USH2A: variants seen among roughly 807,000 people sequenced by gnomAD.
The protein encoded by USH2A is Usher syndrome 2A (autosomal recessive, mild).
In USH2A, 443 loss-of-function variants were observed where a neutral mutation model predicts 538.9. That is an observed-to-expected ratio of 0.82 (90% CI 0.76 to 0.89). The LOEUF (loss-of-function observed/expected upper bound fraction) is 0.89. Among genes scored for constraint, USH2A ranks in the 40% least tolerant of loss-of-function variants. The probability of loss-of-function intolerance (pLI) is 0.00; values close to 1 mark genes in which losing one functional copy is unlikely to be tolerated. For missense variants in USH2A, 6,633 were observed against 6,324.8 expected, an observed-to-expected ratio of 1.05 and a Z score of -1.65; for synonymous variants, 2,413 against 2,273.5, an observed-to-expected ratio of 1.06 and a Z score of -1.75.
intron 50 of USH2A, among the ~76,000 whole-genome samples, chr1:215,792,012 T>C (rs1010588646): frequency 2.0e-5 from 3 of 152,194 alleles, no homozygotes; most frequent in Admixed American, 1.3e-4. Context: ...TTACTGTTAA[T>C]TTTTTCTCTG....
chr1:215,756,463 A>G (rs1660795762), intron 58 of USH2A, among the ~76,000 whole-genome samples: 1 of 152,166 alleles, frequency 6.6e-6, no homozygotes, highest in Admixed American at 6.5e-5. Context: ...ATCACCCTGA[A>G]ATTTCCCGTA....
chr1:215,791,891 T>G (rs1274934538), intron 50 of USH2A, among the ~76,000 whole-genome samples: 2 of 152,084 alleles, frequency 1.3e-5, no homozygotes, highest in African/African-American at 4.8e-5. Context: ...CATACATGAG[T>G]GTACACACAC....
At chr1:215,704,792 A>G (rs2102692917) in intron 61 of USH2A, among the ~76,000 whole-genome samples, 1 of 152,240 alleles carries the variant, frequency 6.6e-6, no homozygotes, top group South Asian at 2.1e-4. Context: ...ATTTAATGTC[A>G]TCTCCATTTG....
intron 35 of USH2A, among the ~76,000 whole-genome samples, chr1:215,987,440 T>A (rs1026761393): frequency 6.6e-6 from 1 of 152,222 alleles, no homozygotes; most frequent in African/African-American, 2.4e-5. Context: ...TTTAAAATCA[T>A]GTCTGAAATC....
chr1:216,298,034 C>T (rs1449976443), intron 9 of USH2A, among the ~76,000 whole-genome samples: 1 of 152,166 alleles, frequency 6.6e-6, no homozygotes, highest in Non-Finnish European at 1.5e-5. Context: ...CCTATTCCAT[C>T]GTAAAACTTT....
chr1:216,324,047 G>A, intron 7 of USH2A, 121 bp downstream of exon 7: 1 of 1,101,078 alleles, frequency 9.1e-7, no homozygotes, highest in Non-Finnish European at 1.3e-6. Flanking sequence ...AGACTTAGGA[G>A]AATCTGCCTC....
At chr1:215,793,947 G>A (rs1177710568) in intron 50 of USH2A, among the ~76,000 whole-genome samples, 7 of 152,200 alleles carry the variant, frequency 4.6e-5, no homozygotes, top group Middle Eastern at 3.4e-3. Context: ...ATATAATCAA[G>A]TCCAATCCAA....
intron 37 of USH2A, among the ~76,000 whole-genome samples, chr1:215,953,634 A>G (rs1269233513): frequency 6.6e-6 from 1 of 152,042 alleles, no homozygotes; most frequent in Non-Finnish European, 1.5e-5. Flanking sequence ...AGGCAATACC[A>G]TTCAGGACAT....
At chr1:215,647,370 C>T in intron 67 of USH2A, 152 bp downstream of exon 67, 1 of 970,888 alleles carries the variant, frequency 1.0e-6, no homozygotes, top group Non-Finnish European at 1.6e-6. Context: ...CATTTTTCCT[C>T]AGTAGTCATC....
chr1:216,170,095 C>T (rs2034248086), intron 21 of USH2A, among the ~76,000 whole-genome samples: 1 of 151,930 alleles, frequency 6.6e-6, no homozygotes, highest in African/African-American at 2.4e-5. Flanking sequence ...CTACTTGCAC[C>T]TTCACTATAA....
At chr1:216,323,284 A>ATATTTATTTATAAAATACGTTT (rs2037653973) in intron 8 of USH2A, among the ~76,000 whole-genome samples, 190 bp downstream of exon 8, 3 of 137,174 alleles carry the variant, frequency 2.2e-5, no homozygotes, top group African/African-American at 9.5e-5. Flanking sequence ...TTTTATATAT[A>ATATTTATTTATAAAATACGTTT]TATATATATA....
At position 216,217,374 on chromosome 1, in the gene USH2A, A is replaced by G. The variant is rs779285586; in HGVS notation, c.3157+13T>C. On this transcript the variant is annotated intron_variant, in intron 15 of 71. Coordinates refer to ENST00000307340, the MANE Select transcript of USH2A (RefSeq NM_206933.4). ...CTGCTTCACACACCAGCACTGAACC[A>G]GAGTTCACTTACTTTTGCTGCAACC... 1.2e-6 allele frequency: 2 copies of G among 1,612,644 alleles called. No homozygotes were observed. Among genetic ancestry groups the G allele is most frequent in the Admixed American group, 1.7e-5 (1 of 59,900 alleles).
At chr1:216,231,900 A>AGT in intron 14 of USH2A, 53 bp downstream of exon 14, 11 of 1,610,880 alleles carry the variant, frequency 6.8e-6, no homozygotes, top group Non-Finnish European at 8.5e-6. Flanking sequence ...TGCCAAAAAA[A>AGT]GTTAACTGTT....
At chr1:216,029,134 T>C (rs1669034080) in intron 32 of USH2A, among the ~76,000 whole-genome samples, 1 of 152,066 alleles carries the variant, frequency 6.6e-6, no homozygotes, top group South Asian at 2.1e-4. Flanking sequence ...CATGGTACGA[T>C]AGCCAAAATG....
At chr1:215,785,267 G>T (rs1019096235) in intron 52 of USH2A, among the ~76,000 whole-genome samples, 6 of 152,142 alleles carry the variant, frequency 3.9e-5, no homozygotes, top group African/African-American at 1.4e-4. Flanking sequence ...TTGAGGAAAA[G>T]AATCTTGACC....
At chr1:216,410,118 A>C (rs947706960) in intron 3 of USH2A, among the ~76,000 whole-genome samples, 3 of 151,728 alleles carry the variant, frequency 2.0e-5, no homozygotes, top group Non-Finnish European at 4.4e-5. Context: ...GCTGATCATC[A>C]GAGCAATGTC....
chr1:215,959,796 G>A (rs1399188633), intron 37 of USH2A, among the ~76,000 whole-genome samples: 1 of 152,108 alleles, frequency 6.6e-6, no homozygotes, highest in Non-Finnish European at 1.5e-5. Flanking sequence ...GAGCAGGTGA[G>A]AGTTAACAGT....
chr1:215,758,486 G>T, intron 58 of USH2A, 109 bp downstream of exon 58: 1 of 1,367,428 alleles, frequency 7.3e-7, no homozygotes, highest in Non-Finnish European at 1.0e-6. Context: ...TTATCCAGGA[G>T]ACCGACTATG....
intron 3 of USH2A, among the ~76,000 whole-genome samples, chr1:216,369,610 A>G (rs1041212829): frequency 1.3e-5 from 2 of 152,142 alleles, no homozygotes; most frequent in Non-Finnish European, 2.9e-5. Flanking sequence ...AGTAGTTAAC[A>G]TATATTAAAA....
Sources: allele counts gnomAD v4.1 joint callset (sites outside exome capture counted in the v4.1 genomes callset), GRCh38; gene constraint gnomAD v4.1.1; transcripts MANE v1.5; gene names NCBI Gene and HGNC (gene_info 2026-07-23, HGNC 2026-07-21).